The following SLC4A8 variants were observed in gnomAD, a reference collection of about 807,000 sequenced individuals.
SLC4A8 encodes the protein electroneutral sodium bicarbonate exchanger 1.
In SLC4A8, 40 loss-of-function variants were observed where a neutral mutation model predicts 125.0. The observed-to-expected ratio is 0.32, with a 90% confidence interval of 0.25 to 0.42. SLC4A8 has a LOEUF of 0.42. SLC4A8 is among the 10% of genes least tolerant of loss of function. The probability of loss-of-function intolerance (pLI) is 1.00; values close to 1 mark genes in which losing one functional copy is unlikely to be tolerated. For missense variants in SLC4A8, 863 were observed against 1,355.1 expected, an observed-to-expected ratio of 0.64 and a Z score of 5.70; for synonymous variants, 456 against 476.0, an observed-to-expected ratio of 0.96 and a Z score of 0.55.
chr12:51,410,435 A>G (rs929517792), intron 1 of SLC4A8, among the ~76,000 whole-genome samples: 1 of 151,270 alleles, frequency 6.6e-6, no homozygotes, highest in African/African-American at 2.4e-5. Flanking sequence ...GTCATCCTGA[A>G]TGCATCTGGT....
At chr12:51,483,292 T>C (rs965288213) in intron 16 of SLC4A8, among the ~76,000 whole-genome samples, 1 of 150,560 alleles carries the variant, frequency 6.6e-6, no homozygotes, top group Admixed American at 6.6e-5. Flanking sequence ...TTGCCTGTGA[T>C]GGAAAGAGAG....
intron 1 of SLC4A8, among the ~76,000 whole-genome samples, chr12:51,434,797 A>C (rs947557771): frequency 6.6e-6 from 1 of 152,196 alleles, no homozygotes; most frequent in Non-Finnish European, 1.5e-5. Context: ...TCTGGATATT[A>C]AAAACCAGTA....
At chr12:51,455,376 G>A (rs915469496) in intron 5 of SLC4A8, among the ~76,000 whole-genome samples, 6 of 151,966 alleles carry the variant, frequency 3.9e-5, no homozygotes, top group Admixed American at 2.0e-4. Context: ...AAAGTGCAAC[G>A]ACAGAGACAT....
intron 1 of SLC4A8, among the ~76,000 whole-genome samples, chr12:51,395,896 T>C (rs145966086): frequency 8.2e-4 from 125 of 152,336 alleles, no homozygotes; most frequent in Non-Finnish European, 1.5e-3. Context: ...GTCTTCTAAA[T>C]TACATCTGCT....
chr12:51,427,249 A>G (rs1206995004), intron 1 of SLC4A8, among the ~76,000 whole-genome samples: 2 of 152,054 alleles, frequency 1.3e-5, no homozygotes, highest in East Asian at 3.9e-4. Context: ...AGATTTTCCT[A>G]CTGAAAGATT....
chr12:51,459,868 CAAAAA>C (rs542692155), intron 7 of SLC4A8, 78 bp from the exon 8 acceptor site: 1 of 1,260,940 alleles, frequency 7.9e-7, no homozygotes, highest in African/African-American at 1.5e-5. Flanking sequence ...GACTCTGTCT[CAAAAA>C]AAAGTAAATA....
chr12:51,426,762 G>C (rs1327078183), intron 1 of SLC4A8, among the ~76,000 whole-genome samples: 1 of 151,894 alleles, frequency 6.6e-6, no homozygotes, highest in Non-Finnish European at 1.5e-5. Context: ...ATAACACACA[G>C]GGCCATTTGG....
At chr12:51,432,822 G>A (rs568138445) in intron 1 of SLC4A8, among the ~76,000 whole-genome samples, 1 of 151,020 alleles carries the variant, frequency 6.6e-6, no homozygotes, top group Middle Eastern at 3.2e-3. Flanking sequence ...TGACTTTTTT[G>A]GGGGGGGTCT....
Position 51,453,387 on chromosome 12 carries a change from C to T in SLC4A8, c.414-152C>T, listed in dbSNP as rs182852760. ...GCAGTGTTCTATTACCTGCTTTTTT[C>T]ACTTATCAATGTACCCTGAACATAC... On this transcript the variant is annotated intron_variant, in intron 4 of 24. Transcript: ENST00000453097. 1.5e-5 allele frequency: 11 copies of T among 717,686 alleles called. No individual in the cohort carries two copies. In the Admixed American group the frequency reaches 2.1e-4, roughly 14 times the overall value. The allele number at this position is 717,686 out of a possible 1,614,324, so 44.5% of individuals were successfully genotyped here.
intron 15 of SLC4A8, chr12:51,474,669 C>T: frequency 1.3e-6 from 1 of 746,674 alleles, no homozygotes; most frequent in South Asian, 2.3e-5. Flanking sequence ...ACATCCTACC[C>T]AGTGACCCTG....
chr12:51,447,785 C>T (rs1336739688), intron 2 of SLC4A8, among the ~76,000 whole-genome samples: 4 of 146,644 alleles, frequency 2.7e-5, no homozygotes, highest in African/African-American at 1.0e-4. Context: ...GGCGCGATCT[C>T]TGCTCACTGC....
chr12:51,492,657 G>A (rs1257035849), intron 19 of SLC4A8, among the ~76,000 whole-genome samples: 1 of 152,106 alleles, frequency 6.6e-6, no homozygotes, highest in East Asian at 1.9e-4. Context: ...AAATCCAATG[G>A]GGGATTTTCT....
At chr12:51,468,381 C>T (rs571615385) in intron 11 of SLC4A8, among the ~76,000 whole-genome samples, 14 of 152,312 alleles carry the variant, frequency 9.2e-5, no homozygotes, top group African/African-American at 3.1e-4. Context: ...GTGGTCCTTC[C>T]AGAATGTATG....
intron 18 of SLC4A8, among the ~76,000 whole-genome samples, chr12:51,489,193 GTT>G (rs1369933792): frequency 6.6e-6 from 1 of 152,296 alleles, no homozygotes; most frequent in Non-Finnish European, 1.5e-5. Flanking sequence ...CTGGGCCACT[GTT>G]TCCTAGAGGC....
At chr12:51,496,211 A>T (rs1218948869) in intron 21 of SLC4A8, among the ~76,000 whole-genome samples, 1 of 152,190 alleles carries the variant, frequency 6.6e-6, no homozygotes, top group Admixed American at 6.5e-5. Flanking sequence ...AGTAGTCACT[A>T]AATTAGAGAG....
At chr12:51,501,258 A>AC (rs1311671688) in intron 22 of SLC4A8, among the ~76,000 whole-genome samples, 2 of 152,192 alleles carry the variant, frequency 1.3e-5, no homozygotes, top group Non-Finnish European at 2.9e-5. Flanking sequence ...TGATCCTGTC[A>AC]CCCAAGTAGT....
At chr12:51,445,389 A>C (rs1286972889) in intron 2 of SLC4A8, among the ~76,000 whole-genome samples, 1 of 152,138 alleles carries the variant, frequency 6.6e-6, no homozygotes, top group Non-Finnish European at 1.5e-5. Flanking sequence ...GCTGGTTTCA[A>C]ACTACTGAAT....
intron 16 of SLC4A8, among the ~76,000 whole-genome samples, chr12:51,483,173 C>A (rs906435723): frequency 1.3e-5 from 2 of 152,156 alleles, no homozygotes; most frequent in Non-Finnish European, 1.5e-5. Flanking sequence ...TGCCGGTACC[C>A]ACCAGCCCAG....
intron 1 of SLC4A8, among the ~76,000 whole-genome samples, chr12:51,412,124 A>G (rs1288470767): frequency 6.6e-6 from 1 of 152,054 alleles, no homozygotes; most frequent in African/African-American, 2.4e-5. Flanking sequence ...CATGCCTTTC[A>G]CTCTATCAAA....
Sources: gnomAD v4.1 joint callset for allele counts (sites outside exome capture counted in the v4.1 genomes callset) on GRCh38, gnomAD v4.1.1 for gene constraint, MANE v1.5 for transcripts, NCBI Gene and HGNC (gene_info 2026-07-23, HGNC 2026-07-21) for gene names.